The following STAG1 variants were observed in gnomAD, a reference collection of about 807,000 sequenced individuals.
STAG1 encodes cohesin subunit SA-1.
A neutral mutation model predicts 170.9 loss-of-function variants in STAG1; 26 were observed. The observed-to-expected ratio is 0.15, with a 90% confidence interval of 0.11 to 0.21. The LOEUF (loss-of-function observed/expected upper bound fraction) is 0.21. Ranked by LOEUF, STAG1 falls within the 10% of genes least tolerant of loss-of-function variation. The pLI is 1.00. For missense variants in STAG1, 964 were observed against 1,509.5 expected, an observed-to-expected ratio of 0.64 and a Z score of 5.99; for synonymous variants, 514 against 497.7, an observed-to-expected ratio of 1.03 and a Z score of -0.44.
At chr3:136,715,854 T>C (rs544319110) in intron 1 of STAG1, among the ~76,000 whole-genome samples, 87 of 152,042 alleles carry the variant, frequency 5.7e-4, no homozygotes, top group Middle Eastern at 3.4e-3. Flanking sequence ...TCCCACCACT[T>C]TGGGAGGCCA....
At chr3:136,408,186 G>A (rs1048092809) in intron 21 of STAG1, among the ~76,000 whole-genome samples, 2 of 152,092 alleles carry the variant, frequency 1.3e-5, no homozygotes, top group Non-Finnish European at 2.9e-5. Context: ...CTATGCCTCT[G>A]TACACACATC....
At chr3:136,411,988 T>C (rs2087636996) in intron 21 of STAG1, among the ~76,000 whole-genome samples, 1 of 151,822 alleles carries the variant, frequency 6.6e-6, no homozygotes, top group African/African-American at 2.4e-5. Context: ...CATTTTGCCA[T>C]ATTGGCCTGG....
At chr3:136,578,955 C>T (rs1937536500) in intron 4 of STAG1, among the ~76,000 whole-genome samples, 1 of 152,158 alleles carries the variant, frequency 6.6e-6, no homozygotes, top group South Asian at 2.1e-4. Context: ...AACTTCCTCT[C>T]CCTACCAAGA....
intron 1 of STAG1, among the ~76,000 whole-genome samples, chr3:136,724,398 GAAGGCAGCATGCTCGTT>G (rs1330896033): frequency 6.6e-6 from 1 of 151,246 alleles, no homozygotes; most frequent in Non-Finnish European, 1.5e-5. Context: ...ACAGATGCTT[GAAGGCAGCATGCTCGTT>G]AAGAGTCATC....
intron 1 of STAG1, among the ~76,000 whole-genome samples, chr3:136,677,389 C>A (rs1942157920): frequency 6.6e-6 from 1 of 152,160 alleles, no homozygotes; most frequent in African/African-American, 2.4e-5. Context: ...ATAACTGTCA[C>A]ACGCAAGGTC....
intron 1 of STAG1, among the ~76,000 whole-genome samples, chr3:136,667,917 G>A (rs187624418): frequency 6.6e-6 from 1 of 152,102 alleles, no homozygotes; most frequent in Non-Finnish European, 1.5e-5. Context: ...GCCGGGCATG[G>A]TGGCTCATGC....
At position 136,452,105 on chromosome 3, in the gene STAG1, T is replaced by C. The variant is rs1353484317; in HGVS notation, c.1356A>G (p.Ala452=). 6.6e-5 allele frequency: 106 copies of C among 1,613,564 alleles called. No individual in the cohort carries two copies. The highest frequency in any genetic ancestry group is 8.5e-5 in the Non-Finnish European group (100 of 1,179,884). The change falls in exon 14 of 34, where the codon GCA becomes GCG. Residue 452 remains alanine, a synonymous_variant. Transcript: ENST00000383202. ...TCGGGCTGTTTCTTCCCCTCCTCTT[T>C]GCTAATGCTTCTTCTGCTTGTGGGT... is the stretch of plus-strand genomic sequence containing the variant. ...RHDPQAEEAL[A]KRRGRNSPNG... is the part of the protein sequence containing the mutation.
intron 23 of STAG1, among the ~76,000 whole-genome samples, chr3:136,374,604 CA>C (rs1278693395): frequency 6.8e-6 from 1 of 147,300 alleles, no homozygotes; most frequent in African/African-American, 2.5e-5. Context: ...GCAACAAGAG[CA>C]AAACTCCGTC....
At chr3:136,531,529 G>A (rs2107928983) in intron 6 of STAG1, among the ~76,000 whole-genome samples, 1 of 150,762 alleles carries the variant, frequency 6.6e-6, no homozygotes, top group East Asian at 1.9e-4. Context: ...AACGATGATA[G>A]ACTGGATTAA....
At chr3:136,561,833 A>C (rs879617204) in intron 5 of STAG1, among the ~76,000 whole-genome samples, 5 of 128,352 alleles carry the variant, frequency 3.9e-5, no homozygotes, top group Non-Finnish European at 8.3e-5. Flanking sequence ...TTTTTTTTTC[A>C]TTTTTGTACT....
At chr3:136,498,233 T>TATATATATATATATATATATATAC in intron 9 of STAG1, among the ~76,000 whole-genome samples, 643 of 57,134 alleles carry the variant, frequency 0.011, 61 homozygotes, top group East Asian at 0.057. Flanking sequence ...TATATATATA[T>TATATATATATATATATATATATAC]ACACATACAT....
Position 136,529,670 on chromosome 3 carries a change from T to C in STAG1, c.472-8253A>G, listed in dbSNP as rs1055408225. On this transcript the variant is annotated intron_variant, in intron 6 of 33. Transcript: ENST00000383202. ...CTCAAGAGAGTCCTAAAACTGGATG[T>C]GAATGAACAATGTTTACCATGAAGA... Among the ~76,000 whole-genome samples the C allele has an allele frequency of 2.0e-5, 3 of 152,146 alleles. No homozygotes were observed. The South Asian group carries it at 6.2e-4, about 32-fold the overall frequency.
chr3:136,463,768 T>TGTGTGTACACAC (rs755853025), intron 13 of STAG1, among the ~76,000 whole-genome samples: 1 of 38,590 alleles, frequency 2.6e-5, no homozygotes, highest in African/African-American at 1.7e-4. Flanking sequence ...TGTGTGTGTG[T>TGTGTGTACACAC]ATACACACAC....
chr3:136,413,894 C>CA, intron 21 of STAG1, among the ~76,000 whole-genome samples: 1 of 152,258 alleles, frequency 6.6e-6, no homozygotes, highest in Non-Finnish European at 1.5e-5. Context: ...CAGACCATCA[C>CA]AAAAAAGCAA....
intron 1 of STAG1, among the ~76,000 whole-genome samples, chr3:136,732,282 T>C (rs899184407): frequency 6.6e-6 from 1 of 151,266 alleles, no homozygotes; most frequent in African/African-American, 2.4e-5. Context: ...AATTTTGTTG[T>C]CTGCATCCCA....
At chr3:136,551,244 A>AGAGAGAGAGAGG (rs1936380591) in intron 5 of STAG1, among the ~76,000 whole-genome samples, 1 of 139,450 alleles carries the variant, frequency 7.2e-6, no homozygotes, top group Non-Finnish European at 1.6e-5. Context: ...AGAGAGAGAG[A>AGAGAGAGAGAGG]GAGAGAGAGA....
chr3:136,680,033 A>T (rs1942281759), intron 1 of STAG1, among the ~76,000 whole-genome samples: 1 of 152,222 alleles, frequency 6.6e-6, no homozygotes, highest in Admixed American at 6.5e-5. Context: ...TATACAACAC[A>T]ACATGAAGCA....
intron 16 of STAG1, among the ~76,000 whole-genome samples, chr3:136,432,752 C>T (rs1276251287): frequency 6.6e-6 from 1 of 152,164 alleles, no homozygotes; most frequent in East Asian, 1.9e-4. Context: ...AGTAATCCCC[C>T]ACCTAGGCCT....
At chr3:136,367,356 A>G (rs1576394954) in intron 24 of STAG1, among the ~76,000 whole-genome samples, 1 of 151,690 alleles carries the variant, frequency 6.6e-6, no homozygotes, top group South Asian at 2.1e-4. Flanking sequence ...TGTATAGTCT[A>G]CCCTCCCTAT....
Sources: allele counts gnomAD v4.1 joint callset (sites outside exome capture counted in the v4.1 genomes callset), GRCh38; gene constraint gnomAD v4.1.1; transcripts MANE v1.5; gene names NCBI Gene and HGNC (gene_info 2026-07-23, HGNC 2026-07-21).